The following SNX13 variants were observed in gnomAD, a reference collection of about 807,000 sequenced individuals.
SNX13 encodes sorting nexin 13.
SNX13 carries 45 observed loss-of-function variants against 133.6 expected under a neutral mutation model. That is an observed-to-expected ratio of 0.34 (90% CI 0.27 to 0.43). SNX13 has a LOEUF of 0.43. Ranked by LOEUF, SNX13 falls within the 20% of genes least tolerant of loss-of-function variation. The pLI is 1.00. For synonymous variants in SNX13, 414 were observed against 373.9 expected (o/e 1.11, Z -1.24); for missense variants, 1,032 against 1,145.1 (o/e 0.90, Z 1.43).
chr7:17,796,328 T>C (rs1329210688), intron 25 of SNX13: 7 of 152,502 alleles, frequency 4.6e-5, no homozygotes, highest in Admixed American at 3.9e-4. Flanking sequence ...AATCAGCCAA[T>C]CAGTTCTTTC....
chr7:17,799,342 G>C (rs1249490529), intron 22 of SNX13, among the ~76,000 whole-genome samples, 188 bp from the exon 23 acceptor site: 3 of 151,684 alleles, frequency 2.0e-5, no homozygotes, highest in Admixed American at 6.6e-5. Flanking sequence ...ACAGAATACA[G>C]AACTTCATAG....
At chr7:17,809,360 C>G (rs561572722) in intron 20 of SNX13, among the ~76,000 whole-genome samples, 1 of 141,100 alleles carries the variant, frequency 7.1e-6, no homozygotes, top group South Asian at 2.4e-4. Context: ...CCAACAAAGA[C>G]TTTAAACCAA....
At position 17,806,072 on chromosome 7, in the gene SNX13, G is replaced by A. The variant is rs548523182; in HGVS notation, c.2065-2492C>T. Among the ~76,000 whole-genome samples, 17 of 152,320 alleles carry A rather than the reference G, an allele frequency of 1.1e-4. No homozygotes were observed. The South Asian group carries it at 1.5e-3, about 13-fold the overall frequency. On this transcript the variant is annotated intron_variant, in intron 20 of 25. Coordinates refer to ENST00000428135, the MANE Select transcript of SNX13 (RefSeq NM_015132.5). The stretch of plus-strand genomic sequence containing the variant: ...CAGGAGATTACGGATTGCCAGCTAA[G>A]TGTACACTTAGCTGTCCTTACACAG...
intron 1 of SNX13, among the ~76,000 whole-genome samples, chr7:17,919,153 T>C (rs1049900860): frequency 6.6e-6 from 1 of 152,158 alleles, no homozygotes; most frequent in Non-Finnish European, 1.5e-5. Flanking sequence ...TGTTCACTAT[T>C]TGGCTGATGG....
chr7:17,803,325 G>C (rs541595637), intron 21 of SNX13, 94 bp downstream of exon 21: 5 of 1,171,732 alleles, frequency 4.3e-6, no homozygotes, highest in Non-Finnish European at 5.9e-6. Flanking sequence ...AAAGAAATAA[G>C]GTTAAGGGAC....
At chr7:17,798,025 T>C (rs1209966775) in intron 24 of SNX13, among the ~76,000 whole-genome samples, 2 of 151,898 alleles carry the variant, frequency 1.3e-5, no homozygotes, top group South Asian at 2.1e-4. Context: ...TCAATACTGA[T>C]AGTTCCCTTC....
At chr7:17,888,028 G>A (rs973708679) in intron 5 of SNX13, 6 of 152,104 alleles carry the variant, frequency 3.9e-5, no homozygotes, top group East Asian at 3.9e-4. Flanking sequence ...ATTGTAAACA[G>A]ACTAATCTTC....
intron 20 of SNX13, among the ~76,000 whole-genome samples, chr7:17,810,974 C>A (rs1785931523): frequency 6.6e-6 from 1 of 152,156 alleles, no homozygotes. Flanking sequence ...TAAAAACTCT[C>A]AATAAACTAG....
intron 18 of SNX13, among the ~76,000 whole-genome samples, chr7:17,816,667 A>C (rs940056427): frequency 6.6e-6 from 1 of 152,050 alleles, no homozygotes; most frequent in African/African-American, 2.4e-5. Context: ...CCGTCTCAAA[A>C]AACAACAACA....
intron 12 of SNX13, among the ~76,000 whole-genome samples, chr7:17,841,577 C>CACACAT (rs1264739896): frequency 2.0e-5 from 3 of 151,228 alleles, no homozygotes; most frequent in Non-Finnish European, 3.0e-5. Flanking sequence ...CACACACACA[C>CACACAT]ACACACGCAC....
At position 17,935,399 on chromosome 7, in the gene SNX13, A is replaced by G. The variant is rs746596169; in HGVS notation, c.12+4885T>C. ...AATGGGGATATACTGCTCAGAGTAC[A>G]AAGTTTCAGATAGATAGAAGGAAGA... On this transcript the variant is annotated intron_variant, in intron 1 of 25. Transcript: ENST00000428135. Among the ~76,000 whole-genome samples the G allele has an allele frequency of 5.3e-5, 8 of 152,214 alleles. No homozygotes were observed. The South Asian group carries it at 6.2e-4, about 12-fold the overall frequency.
chr7:17,856,816 G>GA (rs1791956978), intron 9 of SNX13, among the ~76,000 whole-genome samples: 2 of 136,152 alleles, frequency 1.5e-5, no homozygotes, highest in African/African-American at 2.7e-5. Flanking sequence ...AAGAAAGAAA[G>GA]AAAAGAAAAA....
At chr7:17,935,233 G>A (rs532329326) in intron 1 of SNX13, among the ~76,000 whole-genome samples, 30 of 152,284 alleles carry the variant, frequency 2.0e-4, no homozygotes, top group African/African-American at 5.3e-4. Context: ...AACGAACATG[G>A]AGAACATCAT....
In SNX13 at chr7:17,794,158, G is replaced by A. The variant is rs368335109; in HGVS notation, c.2761C>T (p.Pro921Ser). The change falls in exon 26 of 26, where the codon CCA becomes TCA. Residue 921 changes from proline to serine, a missense_variant. Pro to Ser is a moderately conservative substitution (Grantham distance 74). Coordinates refer to ENST00000428135, the MANE Select transcript of SNX13 (RefSeq NM_015132.5). ...AAAAGTTCACGGAATTTATACTGTG[G>A]AAATAAGGTTTCTAAAAAGCCTTCC... ...FLEGFLETLF[P>S]QYKFRELFNK... 33 of 1,611,472 alleles carry A rather than the reference G, an allele frequency of 2.0e-5. No individual in the cohort carries two copies. The African/African-American group carries it at 4.1e-4, about 20-fold the overall frequency.
At chr7:17,829,064 G>T (rs1242787874) in intron 16 of SNX13, among the ~76,000 whole-genome samples, 1 of 151,522 alleles carries the variant, frequency 6.6e-6, no homozygotes, top group African/African-American at 2.4e-5. Context: ...TTCTACCACA[G>T]ATTTGCTTTA....
chr7:17,935,243 T>C (rs13362827), intron 1 of SNX13, among the ~76,000 whole-genome samples: 24,072 of 152,142 alleles, frequency 0.16, 2,004 homozygotes, highest in Middle Eastern at 0.26. Flanking sequence ...GAGAACATCA[T>C]GCTAACTGAA....
chr7:17,931,534 C>G (rs948094953), intron 1 of SNX13, among the ~76,000 whole-genome samples: 1 of 152,204 alleles, frequency 6.6e-6, no homozygotes, highest in Non-Finnish European at 1.5e-5. Flanking sequence ...AATCACAACT[C>G]TTTCCTATGC....
rs1173565291 is a variant in SNX13, at chr7:17,875,510, G to C, written c.634C>G (p.Leu212Val). 1 of 1,609,566 alleles carries C rather than the reference G, an allele frequency of 6.2e-7. No homozygotes were observed. The highest frequency in any genetic ancestry group is 1.1e-5 in the South Asian group (1 of 90,756). The stretch of plus-strand genomic sequence containing the variant: ...TCATCTTTGGGGGAAGTGCACACTA[G>C]ATCACGGCAAACCTCCTTCTCCATT... The part of the protein sequence containing the change: ...VEMEKEVCRD[L>V]VCTSPKDEEG... The change falls in exon 7 of 26, where the codon CTA becomes GTA. Residue 212 changes from leucine (L) to valine (V), a missense_variant. Transcript: ENST00000428135.
At chr7:17,906,687 C>A (rs1437782542) in intron 1 of SNX13, among the ~76,000 whole-genome samples, 1 of 152,072 alleles carries the variant, frequency 6.6e-6, no homozygotes. Flanking sequence ...ACTGTAAGAT[C>A]TAATTGTTAT....
Sources: gnomAD v4.1 joint callset for allele counts (sites outside exome capture counted in the v4.1 genomes callset) on GRCh38, gnomAD v4.1.1 for gene constraint, MANE v1.5 for transcripts, NCBI Gene and HGNC (gene_info 2026-07-23, HGNC 2026-07-21) for gene names.